The following FUBP1 variants were observed in gnomAD, a reference collection of about 807,000 sequenced individuals.
FUBP1 encodes far upstream element-binding protein 1.
FUBP1 carries 16 observed loss-of-function variants against 94.9 expected under a neutral mutation model. That is an observed-to-expected ratio of 0.17 (90% confidence interval 0.11 to 0.26). The LOEUF (loss-of-function observed/expected upper bound fraction) is 0.26. Among genes scored for constraint, FUBP1 ranks in the 10% least tolerant of loss-of-function variants. The pLI, the probability that FUBP1 is intolerant of heterozygous loss-of-function variation, is 1.00. For missense variants in FUBP1, 583 were observed against 808.6 expected (o/e 0.72, Z 3.38); for synonymous variants, 279 against 254.9 (o/e 1.09, Z -0.90).
chr1:77,979,322 T>A (rs1231985111), upstream of FUBP1: 1 of 327,172 alleles, frequency 3.1e-6, no homozygotes, highest in East Asian at 4.9e-5. Flanking sequence ...TCCTGCAGGG[T>A]GGTGGGTGAT....
intron 16 of FUBP1, among the ~76,000 whole-genome samples, chr1:77,958,386 A>G (rs1217231663): frequency 6.6e-6 from 1 of 152,274 alleles, no homozygotes; most frequent in African/African-American, 2.4e-5. Flanking sequence ...TAGGACTGAT[A>G]TAGGTTTATT....
At chr1:77,951,576 C>G (rs978873738) in intron 18 of FUBP1, among the ~76,000 whole-genome samples, 1 of 152,194 alleles carries the variant, frequency 6.6e-6, no homozygotes, top group Non-Finnish European at 1.5e-5. Context: ...CAGGGTCTTG[C>G]TCTGTCACCT....
Position 77,968,558 on chromosome 1 carries a change from T to C in FUBP1, c.212-355A>G, listed in dbSNP as rs74974024. Among the ~76,000 whole-genome samples, 8 of 151,076 alleles carry C rather than the reference T, an allele frequency of 5.3e-5. No individual in the cohort carries two copies. The East Asian group carries it at 1.6e-3, about 29-fold the overall frequency. ...CTAATGATGCTTCCACCTCAGGAAC[T>C]GAAGACTGGGGGGAGAAAAGCCTAT... On this transcript the variant is annotated intron_variant, in intron 2 of 19. Coordinates refer to ENST00000370768, the MANE Select transcript of FUBP1 (RefSeq NM_003902.5).
At chr1:77,970,838 A>ACCT (rs1657388618) in intron 1 of FUBP1, among the ~76,000 whole-genome samples, 1 of 152,106 alleles carries the variant, frequency 6.6e-6, no homozygotes, top group Admixed American at 6.5e-5. Flanking sequence ...TGAGCTCAGG[A>ACCT]GTTCGAGAGC....
intron 1 of FUBP1, among the ~76,000 whole-genome samples, chr1:77,974,418 C>T (rs1355622267): frequency 1.3e-5 from 2 of 152,114 alleles, no homozygotes; most frequent in African/African-American, 4.8e-5. Flanking sequence ...AGGCGTGAGC[C>T]ACCGCGCCCA....
rs773002049 is a variant in FUBP1, at chr1:77,964,245, T to C, written c.940+9A>G. 73 of 1,573,784 alleles carry C rather than the reference T, an allele frequency of 4.6e-5. No homozygotes were observed. The highest frequency in any genetic ancestry group is 5.0e-5 in the Admixed American group (3 of 59,956). ...TGCCAACACTTACAAGATTATTATATGTACTCACCTGGCTTAAACTGAATG... is the reference window on the plus strand; with the variant it reads ...TGCCAACACTTACAAGATTATTATACGTACTCACCTGGCTTAAACTGAATG... On this transcript the variant is annotated intron_variant, in intron 11 of 19. Coordinates refer to ENST00000370768, the MANE Select transcript of FUBP1 (RefSeq NM_003902.5).
intron 17 of FUBP1, among the ~76,000 whole-genome samples, chr1:77,956,100 G>C (rs750720): frequency 1.3e-5 from 2 of 151,984 alleles, no homozygotes; most frequent in African/African-American, 2.4e-5. Flanking sequence ...GCAAAAATCA[G>C]AAATCCATAA....
chr1:77,970,641 G>A (rs1214096534), intron 1 of FUBP1, among the ~76,000 whole-genome samples: 1 of 152,134 alleles, frequency 6.6e-6, no homozygotes, highest in Non-Finnish European at 1.5e-5. Context: ...TAGGAGTCCA[G>A]GGAGCTCGAG....
intron 16 of FUBP1, among the ~76,000 whole-genome samples, chr1:77,959,197 G>A (rs1421695171): frequency 6.6e-6 from 1 of 152,054 alleles, no homozygotes; most frequent in Non-Finnish European, 1.5e-5. Context: ...GAAACTACAC[G>A]AGTGAAAGAG....
intron 2 of FUBP1, among the ~76,000 whole-genome samples, chr1:77,969,432 A>C (rs758303136): frequency 1.3e-5 from 2 of 152,120 alleles, no homozygotes; most frequent in South Asian, 4.1e-4. Context: ...CGTGAAACAC[A>C]AAAGTACTGA....
intron 16 of FUBP1, 47 bp downstream of exon 16, chr1:77,960,137 G>T (rs746061365): frequency 3.9e-6 from 5 of 1,270,508 alleles, no homozygotes; most frequent in Non-Finnish European, 5.7e-6. Flanking sequence ...AATGTAACAG[G>T]AGTGGAAAAT....
In FUBP1 at chr1:77,946,818, A is replaced by G. The variant is rs1652253245; in HGVS notation, c.*1948T>C. On this transcript the variant is annotated 3_prime_UTR_variant, in exon 20 of 20. Transcript: ENST00000370768. The stretch of plus-strand genomic sequence containing the variant: ...AAAGATAACAAATAGCTAACTCCTT[A>G]ACTATTAAACTTCATACTAGAACTA... 1 of 204,452 alleles carries G rather than the reference A, an allele frequency of 4.9e-6. No individual in the cohort carries two copies. Among genetic ancestry groups the G allele is most frequent in the Non-Finnish European group, 1.0e-5 (1 of 99,856 alleles). The allele number at this position is 204,452 out of a possible 1,614,324, so 12.7% of individuals were successfully genotyped here. A position where few individuals can be genotyped will look rare whatever the true frequency, so the allele number is the denominator to read the frequency against.
intron 1 of FUBP1, among the ~76,000 whole-genome samples, chr1:77,971,329 A>C (rs1277528999): frequency 2.0e-5 from 3 of 152,220 alleles, no homozygotes; most frequent in Non-Finnish European, 4.4e-5. Context: ...AAAAATATTA[A>C]AGAAAACCTA....
At chr1:77,959,049 TG>T (rs1168994848) in intron 16 of FUBP1, among the ~76,000 whole-genome samples, 1 of 152,250 alleles carries the variant, frequency 6.6e-6, no homozygotes, top group East Asian at 1.9e-4. Context: ...GTAACTGTCA[TG>T]CTGTGTCATC....
At chr1:77,965,448 A>T (rs943632553) in intron 7 of FUBP1, among the ~76,000 whole-genome samples, 2 of 152,176 alleles carry the variant, frequency 1.3e-5, no homozygotes, top group Admixed American at 6.5e-5. Flanking sequence ...CTAGATATAC[A>T]ATTTTTATTT....
chr1:77,977,328 A>G (rs1026584505), intron 1 of FUBP1, among the ~76,000 whole-genome samples: 3 of 152,088 alleles, frequency 2.0e-5, no homozygotes, highest in African/African-American at 2.4e-5. Context: ...GCATGGTGAA[A>G]CCCTGTCTCT....
chr1:77,962,220 G>C (rs983299133), intron 14 of FUBP1, among the ~76,000 whole-genome samples: 5 of 152,152 alleles, frequency 3.3e-5, no homozygotes, highest in African/African-American at 1.2e-4. Flanking sequence ...AAACATCTAT[G>C]TAAAATTAGA....
At chr1:77,960,728 T>G (rs1375215406) in intron 14 of FUBP1, 14 of 415,306 alleles carry the variant, frequency 3.4e-5, no homozygotes, top group Non-Finnish European at 6.0e-5. Flanking sequence ...TTAAATTAAA[T>G]TAAATTTAAA....
chr1:77,950,269 C>T (rs959683532), intron 18 of FUBP1, among the ~76,000 whole-genome samples: 1 of 152,198 alleles, frequency 6.6e-6, no homozygotes, highest in African/African-American at 2.4e-5. Context: ...TCAGGTGATC[C>T]TCCCACCTCA....
Sources: gnomAD v4.1 joint callset for allele counts (sites outside exome capture counted in the v4.1 genomes callset) on GRCh38, gnomAD v4.1.1 for gene constraint, MANE v1.5 for transcripts, NCBI Gene and HGNC (gene_info 2026-07-23, HGNC 2026-07-21) for gene names.